CASQ2: variants seen among roughly 807,000 people sequenced by gnomAD.
CASQ2 encodes the protein calsequestrin 2.
CASQ2 carries 49 observed loss-of-function variants against 46.5 expected under a neutral mutation model. That is an observed-to-expected ratio of 1.05 (90% CI 0.84 to 1.34). The LOEUF (loss-of-function observed/expected upper bound fraction) is 1.34. Ranked by LOEUF, CASQ2 falls within the 40% of genes most tolerant of loss-of-function variation. CASQ2 has a pLI of 0.00. For synonymous variants in CASQ2, 174 were observed against 168.5 expected (o/e 1.03, Z -0.25); for missense variants, 486 against 481.3 (o/e 1.01, Z -0.09).
rs541438483 is a variant in CASQ2 at position 115,715,801 on chromosome 1, T to C, written c.838+2039A>G. ...CAAAAAAGGGAAGGAAAAGCTGGTC[T>C]GCCAGTGAAGATTTTGGGGCTCTGT... On this transcript the variant is annotated intron_variant, in intron 8 of 10. Coordinates refer to ENST00000261448, the MANE Select transcript of CASQ2 (RefSeq NM_001232.4). Among the ~76,000 whole-genome samples the C allele has an allele frequency of 5.3e-4, 81 of 152,348 alleles. 2 individuals carry two copies. The highest frequency in any genetic ancestry group is 1.9e-3 in the African/African-American group (79 of 41,582).
intron 7 of CASQ2, among the ~76,000 whole-genome samples, chr1:115,720,359 A>G (rs1647323798): frequency 1.3e-5 from 2 of 152,156 alleles, no homozygotes; most frequent in East Asian, 1.9e-4. Context: ...CTTTTAGGGC[A>G]TTAATCCCAA....
At chr1:115,708,516 A>G (rs1378554602) in intron 8 of CASQ2, among the ~76,000 whole-genome samples, 1 of 152,200 alleles carries the variant, frequency 6.6e-6, no homozygotes, top group East Asian at 1.9e-4. Flanking sequence ...ATGTACCCTT[A>G]GAGTGTGACT....
At chr1:115,739,090 C>T (rs1648074443) in intron 3 of CASQ2, among the ~76,000 whole-genome samples, 1 of 145,854 alleles carries the variant, frequency 6.9e-6, no homozygotes, top group Non-Finnish European at 1.5e-5. Context: ...GAATAGTATT[C>T]CCTTGTGTAT....
At chr1:115,727,508 C>G (rs1647636986) in intron 5 of CASQ2, among the ~76,000 whole-genome samples, 1 of 152,164 alleles carries the variant, frequency 6.6e-6, no homozygotes, top group South Asian at 2.1e-4. Flanking sequence ...TTAATGGAAC[C>G]AATGTTGATA....
chr1:115,754,080 G>C (rs991206331), intron 1 of CASQ2, among the ~76,000 whole-genome samples: 2 of 152,154 alleles, frequency 1.3e-5, no homozygotes, highest in African/African-American at 4.8e-5. Flanking sequence ...TTCAACAACT[G>C]TGTGTCCTTC....
intron 1 of CASQ2, among the ~76,000 whole-genome samples, chr1:115,753,869 A>G (rs529661081): frequency 1.1e-4 from 17 of 151,800 alleles, no homozygotes; most frequent in Non-Finnish European, 2.1e-4. Flanking sequence ...GGTGGGGATT[A>G]CTTTCTGCAG....
chr1:115,766,250 G>T (rs983798886), intron 1 of CASQ2, among the ~76,000 whole-genome samples: 2 of 152,154 alleles, frequency 1.3e-5, no homozygotes, highest in Non-Finnish European at 2.9e-5. Flanking sequence ...GGGCGTTTTC[G>T]CACTGATTTC....
intron 7 of CASQ2, among the ~76,000 whole-genome samples, chr1:115,724,144 T>C (rs1647487890): frequency 6.6e-6 from 1 of 152,210 alleles, no homozygotes. Flanking sequence ...ACATAGTCAC[T>C]CTGGGGAGGC....
chr1:115,716,026 G>A (rs1162050971), intron 8 of CASQ2, among the ~76,000 whole-genome samples: 2 of 152,184 alleles, frequency 1.3e-5, no homozygotes, highest in Admixed American at 6.5e-5. Context: ...GATCTGTCTA[G>A]TGGAACCATC....
At chr1:115,702,875 G>A (rs1654248535) in intron 10 of CASQ2, 46 bp downstream of exon 10, 3 of 1,408,738 alleles carry the variant, frequency 2.1e-6, no homozygotes, top group African/African-American at 2.8e-5. Context: ...GCAGAAGACA[G>A]GGCAGGCCAA....
chr1:115,753,168 TGCTGATCTAGG>T (rs1336903370), intron 1 of CASQ2, among the ~76,000 whole-genome samples: 3 of 151,768 alleles, frequency 2.0e-5, no homozygotes, highest in African/African-American at 4.8e-5. Flanking sequence ...GACCCGGAGG[TGCTGATCTAGG>T]GCTCGGGGGA....
chr1:115,715,523 T>TA (rs1438726931), intron 8 of CASQ2, among the ~76,000 whole-genome samples: 3 of 152,176 alleles, frequency 2.0e-5, no homozygotes, highest in Non-Finnish European at 4.4e-5. Context: ...TTAGAGATAG[T>TA]AGGTAATTCC....
intron 4 of CASQ2, among the ~76,000 whole-genome samples, chr1:115,737,162 T>C (rs755938190): frequency 3.7e-4 from 57 of 152,194 alleles, no homozygotes; most frequent in Middle Eastern, 6.8e-3. Flanking sequence ...CAAACTAAAA[T>C]AAAATTGCCT....
intron 8 of CASQ2, among the ~76,000 whole-genome samples, chr1:115,712,668 T>TA (rs1393485475): frequency 6.6e-6 from 1 of 151,980 alleles, no homozygotes; most frequent in Non-Finnish European, 1.5e-5. Context: ...CTCACACCCA[T>TA]AATCCCAGCA....
chr1:115,748,676 T>C (rs1648470762), intron 1 of CASQ2, among the ~76,000 whole-genome samples: 2 of 152,226 alleles, frequency 1.3e-5, no homozygotes, highest in South Asian at 2.1e-4. Flanking sequence ...TTGGCTTCAC[T>C]CTATTGCATT....
intron 4 of CASQ2, among the ~76,000 whole-genome samples, chr1:115,734,774 G>A (rs1328270574): frequency 2.6e-5 from 4 of 152,046 alleles, no homozygotes; most frequent in African/African-American, 7.2e-5. Context: ...AGGGTTGTGC[G>A]TACTGGATAT....
chr1:115,757,247 C>T (rs1056175253), intron 1 of CASQ2, among the ~76,000 whole-genome samples: 1 of 152,136 alleles, frequency 6.6e-6, no homozygotes, highest in Non-Finnish European at 1.5e-5. Flanking sequence ...TCCAAGGATC[C>T]CCTGTATTAC....
At chr1:115,736,384 C>A (rs1647962588) in intron 4 of CASQ2, among the ~76,000 whole-genome samples, 1 of 151,932 alleles carries the variant, frequency 6.6e-6, no homozygotes, top group African/African-American at 2.4e-5. Context: ...TGCCTGTAAT[C>A]CAAGCACTTT....
At position 115,768,576 on chromosome 1, in the gene CASQ2, C is replaced by CCAA; in HGVS notation, c.-36_-35insTTG. 1 of 1,396,048 alleles carries CCAA rather than the reference C, an allele frequency of 7.2e-7. No individual in the cohort carries two copies. Among genetic ancestry groups the CCAA allele is most frequent in the Non-Finnish European group, 1.0e-6 (1 of 987,170 alleles). 86.5% of individuals were successfully genotyped at this position (1,396,048 alleles called of 1,614,324 possible). ...CTTTTGTTTCTCGTTCCCAAATATGCTGTGTGCAGAATAGAGGACAGAAGA... is the reference window on the plus strand; with the variant it reads ...CTTTTGTTTCTCGTTCCCAAATATGCCAATGTGTGCAGAATAGAGGACAGAAGA... On this transcript the variant is annotated 5_prime_UTR_variant, in exon 1 of 11. Coordinates refer to ENST00000261448, the MANE Select transcript of CASQ2 (RefSeq NM_001232.4).
Sources: allele counts gnomAD v4.1 joint callset (sites outside exome capture counted in the v4.1 genomes callset), GRCh38; gene constraint gnomAD v4.1.1; transcripts MANE v1.5; gene names NCBI Gene and HGNC (gene_info 2026-07-23, HGNC 2026-07-21).